Variants in MATN3 observed in about 807,000 individuals in gnomAD.
MATN3 encodes matrilin-3.
In MATN3, 48 loss-of-function variants were observed where a neutral mutation model predicts 45.3. That is an observed-to-expected ratio of 1.06 (90% CI 0.84 to 1.35). The LOEUF is 1.35. Among genes scored for constraint, MATN3 ranks in the 40% most tolerant of loss-of-function variants. The pLI is 0.00. For missense variants in MATN3, 599 were observed against 628.0 expected (o/e 0.95, Z 0.49); for synonymous variants, 217 against 245.9 (o/e 0.88, Z 1.10).
intron 2 of MATN3, 140 bp downstream of exon 2, chr2:20,005,604 G>C (rs570227171): frequency 1.4e-6 from 1 of 710,976 alleles, no homozygotes; most frequent in Non-Finnish European, 2.3e-6. Flanking sequence ...GCATGCACAC[G>C]TGCACACACA....
chr2:20,012,454 C>G lies in MATN3; in HGVS notation c.178G>C (p.Ala60Pro), dbSNP rs1673236624. 1 of 1,229,452 alleles carries G rather than the reference C, an allele frequency of 8.1e-7. No individual in the cohort carries two copies. The highest frequency in any genetic ancestry group is 3.2e-5 in the East Asian group (1 of 31,568). 76.2% of individuals were successfully genotyped at this position (1,229,452 alleles called of 1,614,324 possible). The change falls in exon 1 of 8, where the codon GCG (alanine) becomes CCG (proline). Residue 60 changes from alanine to proline, a missense_variant. Physicochemically the swap from Ala to Pro is conservative, Grantham distance 27. Transcript: ENST00000407540. The surrounding 1 kb of genome is among the most constrained non-coding windows in gnomAD (Gnocchi z 4.3). ...GGCTCGCTGGTCCCGGAAGCGGGCGCGCCGTCGGGAGCCGCAGGAGAGGGG... is the reference window on the plus strand; with the variant it reads ...GGCTCGCTGGTCCCGGAAGCGGGCGGGCCGTCGGGAGCCGCAGGAGAGGGG... Reference protein sequence around the residue: ...RRPSPAAPDGAPASGTSEPGR... With the variant: ...RRPSPAAPDGPPASGTSEPGR...
rs770912340 is a variant in MATN3 at position 20,006,257 on chromosome 2, T to C, written c.277A>G (p.Ser93Gly). 3.1e-6 allele frequency: 5 copies of C among 1,604,732 alleles called. No homozygotes were observed. In the African/African-American group the frequency reaches 6.7e-5, roughly 21 times the overall value. ...TTGGTGAATTCCAGGGGCCGTACGCTACGAGAACTATCAATGATAAACACC... is the reference window on the plus strand; with the variant it reads ...TTGGTGAATTCCAGGGGCCGTACGCCACGAGAACTATCAATGATAAACACC... ...DLVFIIDSSR[S>G]VRPLEFTKVK... Residue 93 changes from serine to glycine, a missense_variant, in exon 2 of 8, where the codon AGC (serine) becomes GGC (glycine). Ser to Gly is a moderately conservative substitution (Grantham distance 56, BLOSUM62 0). Coordinates refer to ENST00000407540, the MANE Select transcript of MATN3 (RefSeq NM_002381.5).
chr2:20,000,501 A>G lies in MATN3; in HGVS notation c.1108T>C (p.Ser370Pro), dbSNP rs1356827659. 6.2e-7 allele frequency: 1 copy of G among 1,612,812 alleles called. No homozygotes were observed. The highest frequency in any genetic ancestry group is 1.7e-5 in the Admixed American group (1 of 59,862). The change falls in exon 5 of 8, where the codon TCC becomes CCC. Residue 370 changes from serine to proline, a missense_variant. Ser to Pro is a moderately conservative substitution (Grantham distance 74, BLOSUM62 -1). Coordinates refer to ENST00000407540, the MANE Select transcript of MATN3 (RefSeq NM_002381.5). ...QHICVNDRTG[S>P]HHCECYEGYT... is the part of the protein sequence containing the mutation. ...CCCTCATAGCATTCACAATGATGGG[A>G]CCCTGTTCTGTCATTCACACAAATG...
intron 6 of MATN3, among the ~76,000 whole-genome samples, chr2:19,996,556 G>C (rs1175853412): frequency 6.6e-6 from 1 of 152,166 alleles, no homozygotes; most frequent in Non-Finnish European, 1.5e-5. Flanking sequence ...GGGTGGGAAT[G>C]AGTGAGTGCA....
At chr2:19,993,191 C>A (rs1286574834) in intron 7 of MATN3, 25 bp from the exon 8 acceptor site, 1 of 1,562,188 alleles carries the variant, frequency 6.4e-7, no homozygotes, top group Non-Finnish European at 8.8e-7. Flanking sequence ...AGGCCAACAC[C>A]ATTTATTTTT....
chr2:20,005,708 T>C (rs777038966), intron 2 of MATN3, 36 bp downstream of exon 2: 5 of 1,450,262 alleles, frequency 3.4e-6, no homozygotes, highest in Non-Finnish European at 4.7e-6. Context: ...GAATATAACA[T>C]CCTTTCTAGT....
rs555822340 is a variant in MATN3 at position 19,997,204 on chromosome 2, A to G, written c.1224T>C (p.Asp408=). 3.2e-5 allele frequency: 52 copies of G among 1,613,870 alleles called. No individual in the cohort carries two copies. The South Asian group carries it at 4.5e-4, about 14-fold the overall frequency. Residue 408 remains aspartate (D), a synonymous_variant, in exon 6 of 8, where the codon GAT becomes GAC. Transcript: ENST00000407540. Reference sequence around the variant, plus strand: ...AATCACAGTGGTAGGATGCGGCCCCATCACTCACACAAATGTGCTGGCAAC... The same window carrying G: ...AATCACAGTGGTAGGATGCGGCCCCGTCACTCACACAAATGTGCTGGCAAC... The part of the protein sequence containing the change: ...SHGCQHICVS[D]GAASYHCDCY...
At chr2:20,002,147 G>A (rs1027182733) in intron 3 of MATN3, 67 bp from the exon 4 acceptor site, 16 of 1,143,154 alleles carry the variant, frequency 1.4e-5, no homozygotes, top group African/African-American at 5.1e-5. Context: ...TGTGGGCCAC[G>A]CCACTTACAG....
Position 20,006,090 on chromosome 2 carries a change from C to T in MATN3, c.444G>A (p.Gln148=), listed in dbSNP as rs754218547. The T allele has an allele frequency of 6.2e-7, 1 of 1,614,038 alleles. No homozygotes were observed. The highest frequency in any genetic ancestry group is 8.5e-7 in the Non-Finnish European group (1 of 1,179,894). ...ACAAGGGTGTGATTCGACCCACGGC[C>T]TGCTTCAGGGACTGCTTATCTGTGT... ...QAYTDKQSLK[Q]AVGRITPLST... The change falls in exon 2 of 8, where the codon CAG becomes CAA. Residue 148 remains glutamine (Q), a synonymous_variant. Coordinates refer to ENST00000407540, the MANE Select transcript of MATN3 (RefSeq NM_002381.5).
chr2:19,995,090 TTAAAAA>T lies in MATN3; in HGVS notation c.1295-687_1295-682del, dbSNP rs1672840264. Among the ~76,000 whole-genome samples the T allele has an allele frequency of 1.4e-5, 2 of 144,492 alleles. No individual in the cohort carries two copies. Among genetic ancestry groups the T allele is most frequent in the Non-Finnish European group, 3.1e-5 (2 of 65,376 alleles). The allele number at this position is 144,492 out of a possible 152,430, so 94.8% of individuals were successfully genotyped here. The stretch of plus-strand genomic sequence containing the variant: ...GGGTAACAGAGTAAGACCCTGTCTC[TTAAAAA>T]TAAATAAATAAAAATAAAACTAGGA... On this transcript the variant is annotated intron_variant, in intron 6 of 7. Coordinates refer to ENST00000407540, the MANE Select transcript of MATN3 (RefSeq NM_002381.5). The surrounding 1 kb of genome is among the most constrained non-coding windows in gnomAD (Gnocchi z 4.2).
chr2:19,997,364 G>T, intron 5 of MATN3, 105 bp from the exon 6 acceptor site: 1 of 1,224,438 alleles, frequency 8.2e-7, no homozygotes, highest in Non-Finnish European at 1.1e-6. Flanking sequence ...CAAGTGCTGA[G>T]AATGTAGTAG....
Position 20,005,836 on chromosome 2 carries a change from A to G in MATN3, c.698T>C (p.Met233Thr), listed in dbSNP as rs1248406643. Reference protein sequence around the residue: ...DRADMASLKMMASEPLEEHVF... With the variant: ...DRADMASLKMTASEPLEEHVF... ...ATGCTCCTCTAGGGGCTCACTGGCCATCATCTTGAGGGACGCCATGTCTGC... is the reference window on the plus strand; with the variant it reads ...ATGCTCCTCTAGGGGCTCACTGGCCGTCATCTTGAGGGACGCCATGTCTGC... The change falls in exon 2 of 8, where the codon ATG becomes ACG. Residue 233 changes from methionine (M) to threonine (T), a missense_variant. By Grantham distance (81) the Met-to-Thr change is moderately conservative. Coordinates refer to ENST00000407540, the MANE Select transcript of MATN3 (RefSeq NM_002381.5). The G allele has an allele frequency of 3.1e-6, 5 of 1,610,888 alleles. No homozygotes were observed. In the Admixed American group the frequency reaches 6.7e-5, roughly 22 times the overall value.
At chr2:20,002,980 A>G (rs752156596) in intron 3 of MATN3, among the ~76,000 whole-genome samples, 181 bp downstream of exon 3, 2 of 152,154 alleles carry the variant, frequency 1.3e-5, no homozygotes, top group Admixed American at 6.5e-5. Flanking sequence ...TGATTTATCT[A>G]TCATTTCACT....
chr2:19,996,415 C>T (rs1412779925), intron 6 of MATN3, among the ~76,000 whole-genome samples: 2 of 152,108 alleles, frequency 1.3e-5, no homozygotes, highest in Non-Finnish European at 2.9e-5. Flanking sequence ...TGGCAGTACT[C>T]TCCAGGAAAA....
chr2:19,997,059 TAGAC>T (rs1558370471), intron 6 of MATN3, 71 bp downstream of exon 6: 2 of 1,505,404 alleles, frequency 1.3e-6, no homozygotes, highest in Non-Finnish European at 1.8e-6. Flanking sequence ...AACTGTGTCT[TAGAC>T]AGAAAGAAAA....
intron 5 of MATN3, chr2:19,997,481 T>C (rs1163167171): frequency 4.7e-6 from 2 of 429,686 alleles, no homozygotes; most frequent in South Asian, 3.5e-5. Flanking sequence ...CCTTTATATC[T>C]CTCACAGATA....
rs775138248 is a variant in MATN3, at chr2:20,005,914, G to A, written c.620C>T (p.Ala207Val). 1.6e-5 allele frequency: 26 copies of A among 1,612,740 alleles called. No homozygotes were observed. The highest frequency in any genetic ancestry group is 5.0e-5 in the Admixed American group (3 of 59,800). The change falls in exon 2 of 8, where the codon GCG becomes GTG. Residue 207 changes from alanine to valine, a missense_variant. Physicochemically the swap from Ala to Val is moderately conservative, Grantham distance 64 (BLOSUM62 0). Coordinates refer to ENST00000407540, the MANE Select transcript of MATN3 (RefSeq NM_002381.5). The part of the protein sequence containing the change: ...GRPQDQVNEV[A>V]ARAQASGIEL... ...AATACCAGATGCTTGGGCCCGAGCC[G>A]CCACCTCATTCACCTGGTCCTGGGG... is the stretch of plus-strand genomic sequence containing the variant.
chr2:19,997,078 T>C, intron 6 of MATN3, 56 bp downstream of exon 6: 1 of 1,589,526 alleles, frequency 6.3e-7, no homozygotes, highest in Non-Finnish European at 8.6e-7. Context: ...AGAAAAAAGC[T>C]TGCTCCTGAA....
chr2:20,011,153 T>A (rs1172856345), intron 1 of MATN3, among the ~76,000 whole-genome samples: 1 of 152,250 alleles, frequency 6.6e-6, no homozygotes, highest in Non-Finnish European at 1.5e-5. Flanking sequence ...TAATGGGTTA[T>A]CATTCATGAT....
Sources: gnomAD v4.1 joint callset for allele counts (sites outside exome capture counted in the v4.1 genomes callset) on GRCh38, gnomAD v4.1.1 for gene constraint, Gnocchi (gnomAD v3.1) non-coding constraint, MANE v1.5 for transcripts, NCBI Gene and HGNC (gene_info 2026-07-23, HGNC 2026-07-21) for gene names.